Variants in DPH2 observed in about 807,000 individuals in gnomAD.
DPH2 encodes diphthamide biosynthesis 2, also known as 2-(3-amino-3-carboxypropyl)histidine synthase subunit 2.
A neutral mutation model predicts 42.5 loss-of-function variants in DPH2; 28 were observed. The ratio of observed to expected loss-of-function variants is 0.66; its 90% CI spans 0.49 to 0.90. The LOEUF is 0.90. DPH2 is among the 40% of genes least tolerant of loss of function. DPH2 has a pLI of 0.00. For missense variants in DPH2, 576 were observed against 636.0 expected, an observed-to-expected ratio of 0.91 and a Z score of 1.01; for synonymous variants, 279 against 264.4, an observed-to-expected ratio of 1.06 and a Z score of -0.53.
chr1:43,971,272 A>G, intron 3 of DPH2, 83 bp downstream of exon 3: 1 of 1,529,238 alleles, frequency 6.5e-7, no homozygotes, highest in Non-Finnish European at 8.8e-7. Flanking sequence ...TACCATCCAT[A>G]GAACTCTTGA....
Position 43,971,204 on chromosome 1 carries a change from C to T in DPH2, c.484+15C>T, listed in dbSNP as rs1450285215. ...CCATGCCCTGGGTAAGGGGTTTTGC[C>T]TGTGTATGCACAAAGGGTGAGCCAA... On this transcript the variant is annotated intron_variant, in intron 3 of 5. Transcript: ENST00000255108. 1 of 1,550,356 alleles carries T rather than the reference C, an allele frequency of 6.5e-7. No individual in the cohort carries two copies. Among genetic ancestry groups the T allele is most frequent in the Non-Finnish European group, 8.7e-7 (1 of 1,145,778 alleles).
In DPH2 at chr1:43,970,195, G is replaced by T; in HGVS notation, c.20G>T (p.Ser7Ile). The T allele has an allele frequency of 6.2e-7, 1 of 1,614,134 alleles. No individual in the cohort carries two copies. Among genetic ancestry groups the T allele is most frequent in the East Asian group, 2.2e-5 (1 of 44,890 alleles). MESMFSSPAEAALQRET... is the reference protein window; with the variant it reads MESMFSIPAEAALQRET... ...TGCCTCATGGAGTCGATGTTTAGCAGCCCTGCCGAGGCGGCGCTGCAGCGA... is the reference window on the plus strand; with the variant it reads ...TGCCTCATGGAGTCGATGTTTAGCATCCCTGCCGAGGCGGCGCTGCAGCGA... The change falls in exon 1 of 6, where the codon AGC becomes ATC. Residue 7 changes from serine (S) to isoleucine (I), a missense_variant. Physicochemically the swap from Ser to Ile is moderately radical, Grantham distance 142 (BLOSUM62 -2). This residue lies in a region of DPH2 where 395 missense variants were observed against 435.2 expected (regional missense o/e 0.91). Transcript: ENST00000255108.
chr1:43,971,468 T>C lies in DPH2; in HGVS notation c.566T>C (p.Leu189Pro), dbSNP rs1414179376. The part of the protein sequence containing the change: ...SPAFPQPVGS[L>P]SPEPMPLERF... ...GCTTTTCCCCAACCAGTGGGTTCCC[T>C]GAGTCCAGAGCCTATGCCCCTAGAG... The change falls in exon 4 of 6, where the codon CTG becomes CCG. Residue 189 changes from leucine to proline, a missense_variant. Physicochemically the swap from Leu to Pro is moderately conservative, Grantham distance 98 (BLOSUM62 -3). This residue lies in a region of DPH2 where 395 missense variants were observed against 435.2 expected (regional missense o/e 0.91). Coordinates refer to ENST00000255108, the MANE Select transcript of DPH2 (RefSeq NM_001384.5). The C allele has an allele frequency of 1.2e-6, 2 of 1,614,012 alleles. No individual in the cohort carries two copies. The highest frequency in any genetic ancestry group is 1.7e-5 in the Admixed American group (1 of 59,992).
chr1:43,970,453 CT>C (rs1202046190), intron 1 of DPH2, 131 bp downstream of exon 1: 1 of 1,522,238 alleles, frequency 6.6e-7, no homozygotes, highest in African/African-American at 1.4e-5. Flanking sequence ...TTGACCATCC[CT>C]CCCTTCCACC....
rs535485839 is a variant in DPH2, at chr1:43,971,791, C to A, written c.889C>A (p.Arg297Ser). The A allele has an allele frequency of 6.2e-7, 1 of 1,611,036 alleles. No homozygotes were observed. Reference sequence around the variant, plus strand: ...AGGCACACTGGGTGTAGCCCAACACCGTGAGGCACTGGCCCACTTGCGGAA... The same window carrying A: ...AGGCACACTGGGTGTAGCCCAACACAGTGAGGCACTGGCCCACTTGCGGAA... Reference protein sequence around the residue: ...LAGTLGVAQHREALAHLRNLT... With the variant: ...LAGTLGVAQHSEALAHLRNLT... Residue 297 changes from arginine to serine, a missense_variant, in exon 4 of 6, where the codon CGT becomes AGT. Arg to Ser is a moderately radical substitution (Grantham distance 110). Coordinates refer to ENST00000255108, the MANE Select transcript of DPH2 (RefSeq NM_001384.5).
chr1:43,970,921 G>T, intron 2 of DPH2, 45 bp from the exon 3 acceptor site: 1 of 1,543,278 alleles, frequency 6.5e-7, no homozygotes, highest in South Asian at 1.2e-5. Flanking sequence ...ACAGCAACTC[G>T]CCTCCAGAAG....
Position 43,971,737 on chromosome 1 carries a change from A to C in DPH2, c.835A>C (p.Arg279=). The part of the protein sequence containing the change: ...ARRRYLVERA[R]DARVVGLLAG... ...AAGACGATATCTGGTAGAGAGGGCC[A>C]GAGATGCCCGCGTGGTAGGGCTGCT... Residue 279 remains arginine (R), a synonymous_variant, in exon 4 of 6, where the codon AGA becomes CGA. Coordinates refer to ENST00000255108, the MANE Select transcript of DPH2 (RefSeq NM_001384.5). The C allele has an allele frequency of 6.2e-7, 1 of 1,611,030 alleles. No homozygotes were observed. Among genetic ancestry groups the C allele is most frequent in the South Asian group, 1.1e-5 (1 of 91,086 alleles).
In DPH2 at chr1:43,970,114, C is replaced by G. The variant is rs1270202731; in HGVS notation, c.-62C>G. On this transcript the variant is annotated 5_prime_UTR_variant, in exon 1 of 6. Transcript: ENST00000255108. ...ACCCCCTGAGGGCTGCTCTAGAGGA[C>G]TCAGGCCCCGAAGCTGTCCCAGGGA... 1 of 1,585,514 alleles carries G rather than the reference C, an allele frequency of 6.3e-7. No homozygotes were observed. The highest frequency in any genetic ancestry group is 8.6e-7 in the Non-Finnish European group (1 of 1,166,314).
rs1224468463 is a variant in DPH2 at position 43,971,979 on chromosome 1, G to A, written c.1077G>A (p.Leu359=). ...CTGGTAGCTTCTTCCAGCCTATACT[G>A]GCACCATGTGAGCTGGAAGCTGCCT... ...QLSGSFFQPI[L]APCELEAACN... is the part of the protein sequence containing the mutation. The change falls in exon 4 of 6, where the codon CTG becomes CTA. Residue 359 remains leucine (L), a synonymous_variant. Coordinates refer to ENST00000255108, the MANE Select transcript of DPH2 (RefSeq NM_001384.5). 1 of 1,614,200 alleles carries A rather than the reference G, an allele frequency of 6.2e-7. No individual in the cohort carries two copies. The highest frequency in any genetic ancestry group is 1.7e-5 in the Admixed American group (1 of 60,032).
At chr1:43,970,533 T>C in intron 1 of DPH2, 63 bp from the exon 2 acceptor site, 1 of 1,581,510 alleles carries the variant, frequency 6.3e-7, no homozygotes, top group Non-Finnish European at 8.7e-7. Flanking sequence ...TCCTGGAAGA[T>C]TGCTTTAAAG....
At position 43,971,907 on chromosome 1, in the gene DPH2, C is replaced by A. The variant is rs1396072657; in HGVS notation, c.1005C>A (p.Val335=). 1 of 1,614,216 alleles carries A rather than the reference C, an allele frequency of 6.2e-7. No homozygotes were observed. The highest frequency in any genetic ancestry group is 8.5e-7 in the Non-Finnish European group (1 of 1,180,044). The change falls in exon 4 of 6, where the codon GTC becomes GTA. Residue 335 remains valine (V), a synonymous_variant. Transcript: ENST00000255108. Reference sequence around the variant, plus strand: ...TTGCCAACTTCCCTGAGGTGGATGTCTTTGTGCTATTAGCCTGTCCTCTGG... The same window carrying A: ...TTGCCAACTTCCCTGAGGTGGATGTATTTGTGCTATTAGCCTGTCCTCTGG... ...AKLANFPEVD[V]FVLLACPLGA... is the part of the protein sequence containing the mutation.
Position 43,970,578 on chromosome 1 carries a change from C to T in DPH2, c.148-18C>T. 6.2e-7 allele frequency: 1 copy of T among 1,613,400 alleles called. No homozygotes were observed. Among genetic ancestry groups the T allele is most frequent in the Non-Finnish European group, 8.5e-7 (1 of 1,179,500 alleles). ...GTGGGAGAGAGGCTGTCCCTGACTC[C>T]ATGGTTTATGCTTATAGGTTGCCTT... On this transcript the variant is annotated intron_variant, in intron 1 of 5. Coordinates refer to ENST00000255108, the MANE Select transcript of DPH2 (RefSeq NM_001384.5).
chr1:43,972,279 A>G lies in DPH2; in HGVS notation c.1290A>G (p.Gly430=). ...PPAWKSSNDH[G]SLALTPRPQL... is the part of the protein sequence containing the mutation. ...CCTGGAAGTCATCAAATGATCATGG[A>G]AGCTTGGCTCTGACCCCACGGCCCC... The change falls in exon 5 of 6, where the codon GGA becomes GGG. Residue 430 remains glycine (G), a synonymous_variant. Transcript: ENST00000255108. 1 of 1,614,180 alleles carries G rather than the reference A, an allele frequency of 6.2e-7. No homozygotes were observed. The highest frequency in any genetic ancestry group is 8.5e-7 in the Non-Finnish European group (1 of 1,180,032).
chr1:43,970,505 T>G (rs2085396341), intron 1 of DPH2, 91 bp from the exon 2 acceptor site: 1 of 1,545,646 alleles, frequency 6.5e-7, no homozygotes, highest in East Asian at 2.3e-5. Context: ...CCAGGGGCTT[T>G]GAAGGTTGAG....
intron 3 of DPH2, 87 bp downstream of exon 3, chr1:43,971,276 C>T: frequency 6.5e-7 from 1 of 1,527,970 alleles, no homozygotes; most frequent in Non-Finnish European, 8.9e-7. Flanking sequence ...ATCCATAGAA[C>T]TCTTGATATG....
At chr1:43,970,826 T>C (rs768103521) in intron 2 of DPH2, 118 bp downstream of exon 2, 32 of 1,281,602 alleles carry the variant, frequency 2.5e-5, no homozygotes, top group Non-Finnish European at 3.4e-5. Context: ...TGGTAATGAC[T>C]CCCCTTCTGA....
Position 43,970,039 on chromosome 1 carries a change from A to T in DPH2, c.-137A>T. 1 of 996,246 alleles carries T rather than the reference A, an allele frequency of 1.0e-6. No homozygotes were observed. Among genetic ancestry groups the T allele is most frequent in the Non-Finnish European group, 1.4e-6 (1 of 692,258 alleles). 61.7% of individuals were successfully genotyped at this position (996,246 alleles called of 1,614,324 possible). On this transcript the variant is annotated 5_prime_UTR_variant, in exon 1 of 6. Transcript: ENST00000255108. ...GTTAGGATGGCTGAAGGGGATACTC[A>T]CCGGCTGAAGGCCGACTGTGATTCC...
Position 43,972,751 on chromosome 1 carries a change from C to A in DPH2, c.*212C>A. On this transcript the variant is annotated 3_prime_UTR_variant, in exon 6 of 6. Transcript: ENST00000255108. ...ATGCCCAGTAATGCGTGTTGTTTGG[C>A]TGATGGAATAAAGGGCTTAGGGACT... is the stretch of plus-strand genomic sequence containing the variant. The A allele has an allele frequency of 1.5e-6, 1 of 649,132 alleles. No homozygotes were observed. The highest frequency in any genetic ancestry group is 2.5e-6 in the Non-Finnish European group (1 of 392,458). The allele number at this position is 649,132 out of a possible 1,614,324, so 40.2% of individuals were successfully genotyped here. A position where few individuals can be genotyped will look rare whatever the true frequency, so the allele number is the denominator to read the frequency against.
chr1:43,970,449 A>G lies in DPH2; in HGVS notation c.147+127A>G, dbSNP rs2085395529. On this transcript the variant is annotated intron_variant, in intron 1 of 5. Coordinates refer to ENST00000255108, the MANE Select transcript of DPH2 (RefSeq NM_001384.5). ...TCAGTCTGTCCGCAGCGCGTTGACC[A>G]TCCCTCCCTTCCACCTACTACGTGG... The G allele has an allele frequency of 1.7e-5, 26 of 1,529,554 alleles. No homozygotes were observed. In the South Asian group the frequency reaches 2.8e-4, roughly 16 times the overall value. 94.7% of individuals were successfully genotyped at this position (1,529,554 alleles called of 1,614,324 possible). A position where few individuals can be genotyped will look rare whatever the true frequency, so the allele number is the denominator to read the frequency against.
Sources: allele counts gnomAD v4.1 joint callset, GRCh38; gene constraint gnomAD v4.1.1; regional missense constraint gnomAD v4.1.1; transcripts MANE v1.5; gene names NCBI Gene and HGNC (gene_info 2026-07-23, HGNC 2026-07-21).